The following SYT16 variants were observed in gnomAD, a reference collection of about 807,000 sequenced individuals.
SYT16 encodes synaptotagmin-16.
Under a neutral mutation model 61.4 loss-of-function variants are expected in SYT16, and 42 were observed. That is an observed-to-expected ratio of 0.68 (90% CI 0.53 to 0.89). SYT16 has a LOEUF of 0.89. Among genes scored for constraint, SYT16 ranks in the 40% least tolerant of loss-of-function variants. The pLI, the probability that SYT16 is intolerant of heterozygous loss-of-function variation, is 0.00. For missense variants in SYT16, 804 were observed against 807.3 expected (o/e 1.00, Z 0.05); for synonymous variants, 314 against 302.3 (o/e 1.04, Z -0.40).
At chr14:62,089,579 C>T (rs1003492223) in intron 7 of SYT16, among the ~76,000 whole-genome samples, 1 of 152,036 alleles carries the variant, frequency 6.6e-6, no homozygotes, top group Non-Finnish European at 1.5e-5. Context: ...TGTAACTAGC[C>T]TATAGAACCT....
chr14:62,084,491 T>C (rs1803899323), intron 7 of SYT16, 106 bp downstream of exon 7: 24 of 1,295,374 alleles, frequency 1.9e-5, no homozygotes, highest in Non-Finnish European at 2.4e-5. Context: ...AATGATCTTA[T>C]TATGGCTTAA....
At chr14:62,000,099 ATTTTTTTTTTTTTTT>A in intron 3 of SYT16, among the ~76,000 whole-genome samples, 4 of 18,958 alleles carry the variant, frequency 2.1e-4, no homozygotes, top group Non-Finnish European at 2.5e-4. Flanking sequence ...TTGTCTCTCG[ATTTTTTTTTTTTTTT>A]TTTTTTTTTT....
chr14:61,966,328 A>T (rs565775077), intron 1 of SYT16, among the ~76,000 whole-genome samples: 72 of 152,214 alleles, frequency 4.7e-4, no homozygotes, highest in African/African-American at 1.1e-3. Flanking sequence ...AATTATGATT[A>T]AAAAAAGTTA....
At position 62,064,084 on chromosome 14, in the gene SYT16, T is replaced by G. The variant is rs189834855; in HGVS notation, c.524-5519T>G. Among the ~76,000 whole-genome samples, 66 of 152,284 alleles carry G rather than the reference T, an allele frequency of 4.3e-4. No individual in the cohort carries two copies. In the East Asian group the frequency reaches 0.012, roughly 27 times the overall value. On this transcript the variant is annotated intron_variant, in intron 3 of 7. Transcript: ENST00000683842. ...TTAATTGGATGAAGAGGTAAAGATT[T>G]TAATAAAAATTTCTACTGTATTATT...
At chr14:62,064,762 C>A (rs1347998571) in intron 3 of SYT16, among the ~76,000 whole-genome samples, 1 of 152,110 alleles carries the variant, frequency 6.6e-6, no homozygotes, top group East Asian at 1.9e-4. Context: ...TTTCTTCATT[C>A]ATAGCCTGGG....
rs1239249565 is a variant in SYT16, at chr14:62,075,457, T to C, written c.993+66T>C. 4.2e-6 allele frequency: 6 copies of C among 1,424,062 alleles called. No homozygotes were observed. In the East Asian group the frequency reaches 1.4e-4, roughly 33 times the overall value. The allele number at this position is 1,424,062 out of a possible 1,614,324, so 88.2% of individuals were successfully genotyped here. On this transcript the variant is annotated intron_variant, in intron 5 of 7. Transcript: ENST00000683842. ...CCCTTCCCCTCTTTCCACTCTCCTT[T>C]CTCATCTCTCTAAAAAAAAAAAAAA...
intron 3 of SYT16, among the ~76,000 whole-genome samples, chr14:62,023,811 C>T (rs1260441753): frequency 2.6e-5 from 4 of 152,046 alleles, no homozygotes; most frequent in African/African-American, 4.8e-5. Flanking sequence ...GTTTTTTAAT[C>T]GTGTAGTCTT....
At chr14:61,853,563 G>A (rs560901038) in intron 1 of SYT16, among the ~76,000 whole-genome samples, 97 of 152,192 alleles carry the variant, frequency 6.4e-4, no homozygotes, top group Non-Finnish European at 9.4e-4. Context: ...TACACAGGGA[G>A]AAGGTACCAT....
chr14:62,067,826 A>G (rs1289533147), intron 3 of SYT16, among the ~76,000 whole-genome samples: 2 of 151,994 alleles, frequency 1.3e-5, no homozygotes, highest in East Asian at 1.9e-4. Flanking sequence ...CAAACAAACA[A>G]ATAAATAAAT....
At chr14:61,956,183 A>T (rs994788768) in intron 1 of SYT16, among the ~76,000 whole-genome samples, 1 of 152,044 alleles carries the variant, frequency 6.6e-6, no homozygotes, top group East Asian at 1.9e-4. Context: ...GGAGGTCCTT[A>T]TGTATTTTTA....
At chr14:61,914,927 A>G (rs993332152) in intron 1 of SYT16, among the ~76,000 whole-genome samples, 1 of 152,124 alleles carries the variant, frequency 6.6e-6, no homozygotes, top group Non-Finnish European at 1.5e-5. Flanking sequence ...CTAGAATCAG[A>G]TCCAAACTCT....
intron 1 of SYT16, among the ~76,000 whole-genome samples, chr14:61,848,247 C>T (rs898189383): frequency 3.9e-5 from 6 of 152,096 alleles, no homozygotes; most frequent in Admixed American, 2.0e-4. Context: ...GTGATCTAAG[C>T]GTTTGGTCAC....
intron 5 of SYT16, among the ~76,000 whole-genome samples, chr14:62,077,348 A>T (rs1400537691): frequency 1.3e-5 from 2 of 152,220 alleles, no homozygotes; most frequent in Non-Finnish European, 2.9e-5. Context: ...CTCAGCAGGA[A>T]ACTGGTCGTG....
chr14:61,891,232 A>G (rs1320138882), intron 1 of SYT16, among the ~76,000 whole-genome samples: 1 of 111,346 alleles, frequency 9.0e-6, no homozygotes, highest in Non-Finnish European at 1.7e-5. Context: ...GCACGTGCAT[A>G]CACACACGCG....
intron 3 of SYT16, among the ~76,000 whole-genome samples, chr14:62,034,918 C>G (rs2054450331): frequency 6.6e-6 from 1 of 152,108 alleles, no homozygotes; most frequent in South Asian, 2.1e-4. Context: ...AAAAACTGTT[C>G]CAGTTGATCT....
chr14:62,089,636 T>A (rs1184443579), intron 7 of SYT16, among the ~76,000 whole-genome samples: 1 of 152,210 alleles, frequency 6.6e-6, no homozygotes, highest in African/African-American at 2.4e-5. Context: ...CTTATCTTAG[T>A]GCAAATCAAG....
intron 1 of SYT16, among the ~76,000 whole-genome samples, chr14:61,953,676 C>G (rs1305950348): frequency 6.6e-6 from 1 of 152,156 alleles, no homozygotes; most frequent in Admixed American, 6.5e-5. Flanking sequence ...CCTTGTTTTG[C>G]AAAAGCTGCT....
intron 5 of SYT16, chr14:62,077,798 G>A (rs550591432): frequency 2.2e-4 from 33 of 152,274 alleles, no homozygotes; most frequent in Admixed American, 1.8e-3. Flanking sequence ...GCTTGAATTG[G>A]CCTATCCAAA....
chr14:61,893,387 G>T (rs1372183768), intron 1 of SYT16, among the ~76,000 whole-genome samples: 1 of 152,126 alleles, frequency 6.6e-6, no homozygotes, highest in African/African-American at 2.4e-5. Context: ...CTGCTTTTAT[G>T]TGAAGCCTTC....
Sources: allele counts gnomAD v4.1 joint callset (sites outside exome capture counted in the v4.1 genomes callset), GRCh38; gene constraint gnomAD v4.1.1; transcripts MANE v1.5; gene names NCBI Gene and HGNC (gene_info 2026-07-23, HGNC 2026-07-21).